The following ITK variants were observed in gnomAD, a reference collection of about 807,000 sequenced individuals.
ITK encodes IL2 inducible T cell kinase.
A neutral mutation model predicts 87.6 loss-of-function variants in ITK; 45 were observed. The observed-to-expected ratio is 0.51, with a 90% CI of 0.40 to 0.66. The LOEUF (loss-of-function observed/expected upper bound fraction) is 0.66, where lower values mean the gene tolerates loss of function less well. Among genes scored for constraint, ITK ranks in the 30% least tolerant of loss-of-function variants. ITK has a pLI of 0.00. For synonymous variants in ITK, 303 were observed against 273.6 expected (o/e 1.11, Z -1.06); for missense variants, 605 against 766.3 (o/e 0.79, Z 2.48).
At chr5:157,224,726 G>T (rs1296546573) in intron 6 of ITK, among the ~76,000 whole-genome samples, 1 of 152,062 alleles carries the variant, frequency 6.6e-6, no homozygotes, top group African/African-American at 2.4e-5. Flanking sequence ...GGTTGCAGTG[G>T]GCCAAGCTCA....
At chr5:157,237,618 C>T (rs1754803096) in intron 8 of ITK, among the ~76,000 whole-genome samples, 1 of 152,172 alleles carries the variant, frequency 6.6e-6, no homozygotes, top group Non-Finnish European at 1.5e-5. Flanking sequence ...GGAGAAGCAG[C>T]TTCTAACATT....
At chr5:157,200,759 C>G (rs1051145984) in intron 1 of ITK, among the ~76,000 whole-genome samples, 3 of 152,124 alleles carry the variant, frequency 2.0e-5, no homozygotes, top group Admixed American at 2.0e-4. Flanking sequence ...CATCTGACAG[C>G]CTGTTAAGGC....
chr5:157,236,839 T>A (rs1311781403), intron 8 of ITK, among the ~76,000 whole-genome samples: 2 of 152,138 alleles, frequency 1.3e-5, no homozygotes, highest in Non-Finnish European at 2.9e-5. Context: ...ACTCCCTTCT[T>A]CCCACCTCTC....
chr5:157,241,332 G>T (rs1247384765), intron 10 of ITK: 2 of 171,028 alleles, frequency 1.2e-5, no homozygotes, highest in Non-Finnish European at 2.5e-5. Context: ...GCAAAAGCTC[G>T]CCCTGGCTTC....
chr5:157,215,172 G>A (rs1041260983), intron 4 of ITK, among the ~76,000 whole-genome samples: 8 of 152,314 alleles, frequency 5.3e-5, no homozygotes, highest in South Asian at 2.1e-4. Flanking sequence ...GGGTCACACC[G>A]CTGGAAGTGC....
intron 1 of ITK, among the ~76,000 whole-genome samples, chr5:157,205,321 G>A (rs969440730): frequency 1.3e-5 from 2 of 152,110 alleles, no homozygotes. Flanking sequence ...TCCCAAACGT[G>A]TGCTCATTTC....
At chr5:157,218,006 C>T (rs1003414202) in intron 5 of ITK, 99 bp downstream of exon 5, 15 of 1,081,294 alleles carry the variant, frequency 1.4e-5, no homozygotes, top group African/African-American at 9.3e-5. Context: ...GTTTTCAAAC[C>T]CTGGCTGCAT....
intron 9 of ITK, among the ~76,000 whole-genome samples, chr5:157,239,407 A>G (rs1754841999): frequency 6.6e-6 from 1 of 152,128 alleles, no homozygotes; most frequent in Non-Finnish European, 1.5e-5. Flanking sequence ...CTCATTAGAG[A>G]CTCAGTACCC....
At chr5:157,252,462 T>G in intron 16 of ITK, 145 bp from the exon 17 acceptor site, 2 of 714,662 alleles carry the variant, frequency 2.8e-6, no homozygotes, top group Non-Finnish European at 5.1e-6. Flanking sequence ...TGTTAACAAC[T>G]AGGACAATGT....
At chr5:157,204,045 A>G (rs1754028571) in intron 1 of ITK, among the ~76,000 whole-genome samples, 1 of 152,106 alleles carries the variant, frequency 6.6e-6, no homozygotes, top group Non-Finnish European at 1.5e-5. Flanking sequence ...CTGCTCTGTC[A>G]CCCAGGCTGG....
chr5:157,211,204 C>A (rs955140907), intron 2 of ITK, 83 bp from the exon 3 acceptor site: 2 of 1,123,572 alleles, frequency 1.8e-6, no homozygotes, highest in South Asian at 1.2e-5. Context: ...ACCCGAGACC[C>A]CACTCTCGGC....
intron 1 of ITK, among the ~76,000 whole-genome samples, chr5:157,183,190 T>C (rs1482972106): frequency 6.6e-6 from 1 of 152,160 alleles, no homozygotes. Flanking sequence ...AAAGGTAATA[T>C]ATGTGAATTA....
intron 5 of ITK, among the ~76,000 whole-genome samples, chr5:157,218,371 G>A (rs1027256099): frequency 2.0e-5 from 3 of 151,930 alleles, no homozygotes; most frequent in Non-Finnish European, 2.9e-5. Context: ...AGCTGGTGTG[G>A]TGGTGCACAC....
chr5:157,237,021 T>C (rs959509376), intron 8 of ITK, among the ~76,000 whole-genome samples: 1 of 152,184 alleles, frequency 6.6e-6, no homozygotes, highest in Non-Finnish European at 1.5e-5. Context: ...CTCAAAAAAC[T>C]AAAAATAAAA....
intron 1 of ITK, among the ~76,000 whole-genome samples, chr5:157,201,075 A>ATAT (rs139901880): frequency 1.3e-4 from 20 of 151,454 alleles, no homozygotes; most frequent in East Asian, 6.1e-4. Flanking sequence ...TTAAGATAAT[A>ATAT]TACAATATTA....
intron 3 of ITK, chr5:157,213,545 CT>C (rs1561654137): frequency 2.3e-6 from 1 of 426,592 alleles, no homozygotes; most frequent in South Asian, 1.6e-5. Context: ...GCCCAGCTAA[CT>C]TTTTTCTTTT....
At chr5:157,228,438 C>T in intron 7 of ITK, 77 bp downstream of exon 7, 1 of 873,218 alleles carries the variant, frequency 1.1e-6, no homozygotes. Context: ...TATTGGTTGA[C>T]TGTAAAAATA....
rs557372536 is a variant in ITK at position 157,253,127 on chromosome 5, G to A, written c.*449G>A. ...ACAGTATCCCAGGATATGGAGGCAA[G>A]GGGAACAAAGAGCATGAGTCTTTTT... On this transcript the variant is annotated 3_prime_UTR_variant, in exon 17 of 17. Coordinates refer to ENST00000422843, the MANE Select transcript of ITK (RefSeq NM_005546.4). 7.5e-5 allele frequency: 23 copies of A among 305,724 alleles called. No individual in the cohort carries two copies. Among genetic ancestry groups the A allele is most frequent in the Non-Finnish European group, 1.3e-4 (21 of 159,504 alleles). 18.9% of individuals were successfully genotyped at this position (305,724 alleles called of 1,614,324 possible).
At position 157,211,292 on chromosome 5, in the gene ITK, G is replaced by A. The variant is rs776281180; in HGVS notation, c.249G>A (p.Val83=). ...CTCTGTGTGTGTGTCTCCAGGTGGTGCATGACAACTACCTCCTATATGTGT... is the reference window on the plus strand; with the variant it reads ...CTCTGTGTGTGTGTCTCCAGGTGGTACATGACAACTACCTCCTATATGTGT... ...PCHYKYPFQV[V]HDNYLLYVFA... Residue 83 remains valine, a synonymous_variant, in exon 3 of 17, where the codon GTG becomes GTA. Transcript: ENST00000422843. 7.4e-6 allele frequency: 12 copies of A among 1,613,586 alleles called. No homozygotes were observed. The highest frequency in any genetic ancestry group is 9.3e-6 in the Non-Finnish European group (11 of 1,179,688).
Sources: allele counts gnomAD v4.1 joint callset (sites outside exome capture counted in the v4.1 genomes callset), GRCh38; gene constraint gnomAD v4.1.1; transcripts MANE v1.5; gene names NCBI Gene and HGNC (gene_info 2026-07-23, HGNC 2026-07-21).